The following ADGRV1 variants were observed in gnomAD, a reference collection of about 807,000 sequenced individuals.
ADGRV1 encodes the protein G-protein coupled receptor 98.
ADGRV1 carries 359 observed loss-of-function variants against 596.2 expected under a neutral mutation model. The observed-to-expected ratio is 0.60, with a 90% CI of 0.55 to 0.66. ADGRV1 has a LOEUF of 0.66. Ranked by LOEUF, ADGRV1 falls within the 30% of genes least tolerant of loss-of-function variation. The probability of loss-of-function intolerance (pLI) is 0.00; values close to 1 mark genes in which losing one functional copy is unlikely to be tolerated. For synonymous variants in ADGRV1, 2,681 were observed against 2,679.2 expected (o/e 1.00, Z -0.02); for missense variants, 7,274 against 7,575.6 (o/e 0.96, Z 1.48).
At chr5:90,746,623 C>CA (rs1207992361) in intron 52 of ADGRV1, among the ~76,000 whole-genome samples, 3 of 152,166 alleles carry the variant, frequency 2.0e-5, no homozygotes, top group Non-Finnish European at 4.4e-5. Flanking sequence ...TTTGCCATCA[C>CA]AAAATTGACT....
intron 80 of ADGRV1, 146 bp downstream of exon 80, chr5:90,853,679 A>G (rs1309360127): frequency 1.2e-5 from 9 of 733,644 alleles, no homozygotes; most frequent in African/African-American, 3.6e-5. Flanking sequence ...TTTATGAACT[A>G]TTTGTAGAAA....
At chr5:91,095,560 A>G (rs1157909613) in intron 86 of ADGRV1, among the ~76,000 whole-genome samples, 1 of 152,168 alleles carries the variant, frequency 6.6e-6, no homozygotes, top group African/African-American at 2.4e-5. Context: ...CTGCTGCGGA[A>G]CTGGTGTTAA....
At chr5:90,781,193 T>C (rs937313399) in intron 64 of ADGRV1, 1 of 496,926 alleles carries the variant, frequency 2.0e-6, no homozygotes, top group Non-Finnish European at 3.6e-6. Context: ...TTAGTAACTT[T>C]ATATTAGTTT....
At chr5:90,929,847 T>G (rs1379534778) in intron 83 of ADGRV1, among the ~76,000 whole-genome samples, 1 of 152,198 alleles carries the variant, frequency 6.6e-6, no homozygotes, top group Non-Finnish European at 1.5e-5. Context: ...GATATGTTTC[T>G]TTTTTTCTGT....
At chr5:90,838,175 G>A (rs747806152) in intron 77 of ADGRV1, among the ~76,000 whole-genome samples, 1 of 151,930 alleles carries the variant, frequency 6.6e-6, no homozygotes, top group Admixed American at 6.6e-5. Flanking sequence ...TTAGATTTTT[G>A]AGTTATTTCC....
chr5:90,728,824 C>A lies in ADGRV1; in HGVS notation c.10317C>A (p.Gly3439=). Residue 3439 remains glycine (G), a synonymous_variant, in exon 49 of 90, where the codon GGC becomes GGA. Transcript: ENST00000405460. ...ACTCCCTTTTATTCAGATGGTCTGG[C>A]AGTGGGTTTATTAACTTTCAAGAGG... is the stretch of plus-strand genomic sequence containing the variant. ...RLNSLLFRWS[G]SGFINFQEVP... 1 of 1,613,872 alleles carries A rather than the reference C, an allele frequency of 6.2e-7. No homozygotes were observed. The highest frequency in any genetic ancestry group is 1.1e-5 in the South Asian group (1 of 91,076).
At chr5:90,646,667 T>C (rs1767813438) in intron 16 of ADGRV1, among the ~76,000 whole-genome samples, 2 of 152,338 alleles carry the variant, frequency 1.3e-5, no homozygotes, top group Admixed American at 1.3e-4. Flanking sequence ...TAACTCTTTC[T>C]TGAATCCTTG....
chr5:90,652,985 C>A (rs1768865523), intron 19 of ADGRV1, among the ~76,000 whole-genome samples: 1 of 152,172 alleles, frequency 6.6e-6, no homozygotes, highest in Non-Finnish European at 1.5e-5. Context: ...TTCATATACT[C>A]TTTTCAGGCT....
At chr5:90,609,759 G>C (rs1762519466) in intron 1 of ADGRV1, among the ~76,000 whole-genome samples, 1 of 151,964 alleles carries the variant, frequency 6.6e-6, no homozygotes, top group Admixed American at 6.6e-5. Context: ...GAAGATGCTT[G>C]CTATGGCATT....
chr5:90,709,277 T>C (rs1749020973), intron 39 of ADGRV1, among the ~76,000 whole-genome samples: 1 of 152,240 alleles, frequency 6.6e-6, no homozygotes, highest in African/African-American at 2.4e-5. Context: ...GCAGTGCTGA[T>C]ATTTGCTTCT....
intron 1 of ADGRV1, among the ~76,000 whole-genome samples, chr5:90,593,286 T>A (rs887064872): frequency 6.6e-6 from 1 of 152,056 alleles, no homozygotes; most frequent in Admixed American, 6.6e-5. Context: ...AAAGGATGAG[T>A]TCATGTGCTT....
Position 90,697,155 on chromosome 5 carries a change from CT to C in ADGRV1, c.8155+16del. 2 of 1,606,172 alleles carry C rather than the reference CT, an allele frequency of 1.2e-6. No homozygotes were observed. Among genetic ancestry groups the C allele is most frequent in the Non-Finnish European group, 1.7e-6 (2 of 1,174,900 alleles). On this transcript the variant is annotated intron_variant, in intron 34 of 89. Transcript: ENST00000405460. Reference sequence around the variant, plus strand: ...TGTCATAGGTCATGAAGGTGGGTTCCTTTTTTTGTTAAGCATATTCATTTTC... The same window carrying C: ...TGTCATAGGTCATGAAGGTGGGTTCCTTTTTTGTTAAGCATATTCATTTTC...
intron 83 of ADGRV1, among the ~76,000 whole-genome samples, chr5:90,942,656 C>A (rs750935132): frequency 7.2e-5 from 11 of 152,038 alleles, no homozygotes; most frequent in Non-Finnish European, 1.3e-4. Context: ...TGAATATGTG[C>A]CCTAAGAGGA....
intron 86 of ADGRV1, among the ~76,000 whole-genome samples, chr5:91,081,343 A>T (rs1017547734): frequency 6.6e-6 from 1 of 152,170 alleles, no homozygotes; most frequent in Non-Finnish European, 1.5e-5. Context: ...GTCTCCCATC[A>T]TCTCATCCTT....
At chr5:90,619,699 C>T (rs1763802143) in intron 4 of ADGRV1, among the ~76,000 whole-genome samples, 1 of 151,524 alleles carries the variant, frequency 6.6e-6, no homozygotes, top group South Asian at 2.1e-4. Flanking sequence ...GTGCTGCACC[C>T]ATTAACTCGT....
At chr5:90,929,520 C>G (rs921444625) in intron 83 of ADGRV1, 1 of 152,490 alleles carries the variant, frequency 6.6e-6, no homozygotes, top group Non-Finnish European at 1.5e-5. Context: ...CACTGACCTG[C>G]GCCCACTGTC....
chr5:90,626,346 G>C (rs2149373181), intron 6 of ADGRV1: 1 of 152,276 alleles, frequency 6.6e-6, no homozygotes, highest in East Asian at 1.9e-4. Context: ...TAAGATCTCA[G>C]AGCATTGAAC....
At chr5:90,634,977 G>C in intron 9 of ADGRV1, 137 bp from the exon 10 acceptor site, 11 of 587,750 alleles carry the variant, frequency 1.9e-5, no homozygotes, top group Non-Finnish European at 3.0e-5. Flanking sequence ...TGGTGAATGA[G>C]AGAGGAGGAG....
chr5:90,954,091 A>T (rs1044728945), intron 83 of ADGRV1, among the ~76,000 whole-genome samples: 19 of 152,074 alleles, frequency 1.2e-4, no homozygotes, highest in Admixed American at 1.1e-3. Flanking sequence ...TGGCTTTTTA[A>T]TGATAACAAA....
Sources: allele counts gnomAD v4.1 joint callset (sites outside exome capture counted in the v4.1 genomes callset), GRCh38; gene constraint gnomAD v4.1.1; transcripts MANE v1.5; gene names NCBI Gene and HGNC (gene_info 2026-07-23, HGNC 2026-07-21).